SORCS2: variants seen among roughly 807,000 people sequenced by gnomAD.
SORCS2 encodes the protein VPS10 domain-containing receptor SorCS2.
A neutral mutation model predicts 141.6 loss-of-function variants in SORCS2; 100 were observed. That is an observed-to-expected ratio of 0.71 (90% confidence interval 0.60 to 0.83). The LOEUF (loss-of-function observed/expected upper bound fraction) is 0.83, where lower values mean the gene tolerates loss of function less well. Among genes scored for constraint, SORCS2 ranks in the 40% least tolerant of loss-of-function variants. The pLI is 0.00. For synonymous variants in SORCS2, 789 were observed against 676.9 expected, an observed-to-expected ratio of 1.17 and a Z score of -2.57; for missense variants, 1,646 against 1,560.2, an observed-to-expected ratio of 1.05 and a Z score of -0.93.
chr4:7,223,980 G>A (rs532819384), intron 1 of SORCS2, among the ~76,000 whole-genome samples: 5 of 152,366 alleles, frequency 3.3e-5, no homozygotes, highest in East Asian at 1.9e-4. Context: ...CTCAATGGCT[G>A]TTGCATATTA....
intron 1 of SORCS2, among the ~76,000 whole-genome samples, chr4:7,247,404 A>G (rs1713170785): frequency 6.6e-6 from 1 of 152,180 alleles, no homozygotes; most frequent in Non-Finnish European, 1.5e-5. Context: ...AATTATTGGA[A>G]TGAATAAACA....
At chr4:7,705,606 A>T (rs1344276713) in intron 14 of SORCS2, among the ~76,000 whole-genome samples, 1 of 151,980 alleles carries the variant, frequency 6.6e-6, no homozygotes, top group Non-Finnish European at 1.5e-5. Context: ...ACCCTCGCCC[A>T]CTCGGCTGGA....
rs1024108904 is a variant in SORCS2, at chr4:7,740,459, G to T, written c.*195G>T. ...ACGGGGGGCCCACGGGACCCCCCGG[G>T]ACTCCCCGGACATGGCCCTGCCCCT... On this transcript the variant is annotated 3_prime_UTR_variant, in exon 27 of 27. Coordinates refer to ENST00000507866, the MANE Select transcript of SORCS2 (RefSeq NM_020777.3). 1.7e-6 allele frequency: 1 copy of T among 592,546 alleles called. No homozygotes were observed. 36.7% of individuals were successfully genotyped at this position (592,546 alleles called of 1,614,324 possible).
At chr4:7,694,242 G>T (rs989019643) in intron 11 of SORCS2, among the ~76,000 whole-genome samples, 1 of 152,110 alleles carries the variant, frequency 6.6e-6, no homozygotes, top group Non-Finnish European at 1.5e-5. Context: ...GAGGAGAGGA[G>T]GCCCAAAGAG....
intron 1 of SORCS2, among the ~76,000 whole-genome samples, chr4:7,240,807 T>C (rs1042000738): frequency 2.0e-5 from 3 of 152,214 alleles, no homozygotes; most frequent in African/African-American, 7.2e-5. Context: ...CAAAACACCC[T>C]GAGAGTAGGG....
intron 23 of SORCS2, among the ~76,000 whole-genome samples, chr4:7,732,087 A>G (rs1031509444): frequency 6.6e-6 from 1 of 152,234 alleles, no homozygotes; most frequent in Non-Finnish European, 1.5e-5. Flanking sequence ...TAAGAAACCC[A>G]GCTCCATAGC....
chr4:7,608,265 G>A (rs1276349423), intron 3 of SORCS2, among the ~76,000 whole-genome samples: 2 of 152,180 alleles, frequency 1.3e-5, no homozygotes, highest in Non-Finnish European at 2.9e-5. Context: ...GAAATGATAA[G>A]GTTCAATTGC....
At chr4:7,471,316 C>T (rs1729962775) in intron 2 of SORCS2, among the ~76,000 whole-genome samples, 2 of 152,230 alleles carry the variant, frequency 1.3e-5, no homozygotes, top group African/African-American at 4.8e-5. Context: ...TGGCCTTCTC[C>T]CCTCATGAGG....
intron 3 of SORCS2, among the ~76,000 whole-genome samples, chr4:7,536,138 G>A (rs529711073): frequency 9.9e-4 from 151 of 152,332 alleles, no homozygotes; most frequent in Non-Finnish European, 8.8e-4. Context: ...CTCAGAGGCC[G>A]AGGGCATCAG....
chr4:7,526,495 T>C (rs980730641), intron 2 of SORCS2, among the ~76,000 whole-genome samples: 4 of 152,206 alleles, frequency 2.6e-5, no homozygotes, highest in Admixed American at 6.5e-5. Context: ...GGATCGGTGG[T>C]TGCCAGGAGG....
At chr4:7,398,378 A>AGTT (rs1482804467) in intron 2 of SORCS2, among the ~76,000 whole-genome samples, 4 of 152,236 alleles carry the variant, frequency 2.6e-5, no homozygotes, top group Admixed American at 6.5e-5. Context: ...CCTGAGGGGA[A>AGTT]GTTGTGAGAA....
chr4:7,340,567 C>T (rs551859270), intron 1 of SORCS2, among the ~76,000 whole-genome samples: 2 of 152,344 alleles, frequency 1.3e-5, no homozygotes, highest in African/African-American at 4.8e-5. Context: ...CTCCTCCAGG[C>T]CCGTCCCTCA....
intron 3 of SORCS2, among the ~76,000 whole-genome samples, chr4:7,576,836 T>A (rs1345728223): frequency 1.3e-5 from 2 of 152,180 alleles, no homozygotes; most frequent in Non-Finnish European, 2.9e-5. Context: ...GCCTGGCTCA[T>A]GGCACATGAA....
At position 7,712,834 on chromosome 4, in the gene SORCS2, G is replaced by A; in HGVS notation, c.1970G>A (p.Trp657Ter). Residue 657 changes from tryptophan (W) to a stop codon, truncating the protein, a stop_gained, in exon 15 of 27, where the codon TGG (tryptophan) becomes TAG (stop). Transcript: ENST00000507866. LOFTEE classifies it high-confidence loss of function. ...RQCGEEDYSS[W>*]ELSNLQGDRC... Reference sequence around the variant, plus strand: ...TGCGGCGAGGAGGACTACAGCTCCTGGGAGCTCTCCAACCTGCAGGTGGGC... The same window carrying A: ...TGCGGCGAGGAGGACTACAGCTCCTAGGAGCTCTCCAACCTGCAGGTGGGC... 6.2e-7 allele frequency: 1 copy of A among 1,613,882 alleles called. No homozygotes were observed. The highest frequency in any genetic ancestry group is 8.5e-7 in the Non-Finnish European group (1 of 1,179,876).
Position 7,648,982 on chromosome 4 carries a change from C to A in SORCS2, c.814-5152C>A, listed in dbSNP as rs1030309543. 2.6e-5 allele frequency among the ~76,000 whole-genome samples: 4 copies of A among 152,178 alleles called. No individual in the cohort carries two copies. The highest frequency in any genetic ancestry group is 7.2e-5 in the African/African-American group (3 of 41,434). ...ATCCCTCCCCCGAGCCCAGCTGGCA[C>A]TGGCACCAGGACATGAGGGTGTGGC... On this transcript the variant is annotated intron_variant, in intron 4 of 26. Coordinates refer to ENST00000507866, the MANE Select transcript of SORCS2 (RefSeq NM_020777.3). The surrounding 1 kb of genome is among the most constrained non-coding windows in gnomAD (Gnocchi z 4.2).
At chr4:7,460,594 C>T (rs541255515) in intron 2 of SORCS2, among the ~76,000 whole-genome samples, 1 of 152,344 alleles carries the variant, frequency 6.6e-6, no homozygotes, top group Admixed American at 6.5e-5. Context: ...GCATCCGTGT[C>T]TGTGGGAACA....
chr4:7,730,863 TA>T (rs1313428581), intron 23 of SORCS2, among the ~76,000 whole-genome samples: 1 of 152,230 alleles, frequency 6.6e-6, no homozygotes, highest in Non-Finnish European at 1.5e-5. Context: ...TTGTACACTT[TA>T]AAAGAGTAAA....
At chr4:7,578,873 G>T (rs1715947480) in intron 3 of SORCS2, among the ~76,000 whole-genome samples, 1 of 152,170 alleles carries the variant, frequency 6.6e-6, no homozygotes, top group Admixed American at 6.5e-5. Context: ...CTTTCTGTTT[G>T]CTGGATAGAA....
intron 3 of SORCS2, among the ~76,000 whole-genome samples, chr4:7,572,002 A>G (rs73793401): frequency 0.014 from 2,138 of 152,150 alleles, 49 homozygotes; most frequent in African/African-American, 0.049. Context: ...TGCAGGAAGA[A>G]CCTGACAGTC....
Sources: allele counts gnomAD v4.1 joint callset (sites outside exome capture counted in the v4.1 genomes callset), GRCh38; gene constraint gnomAD v4.1.1; non-coding constraint Gnocchi (gnomAD v3.1); transcripts MANE v1.5; gene names NCBI Gene and HGNC (gene_info 2026-07-23, HGNC 2026-07-21).